The following LARS1 variants were observed in gnomAD, a reference collection of about 807,000 sequenced individuals.
LARS1 encodes leucyl-tRNA synthetase 1, also known as leucine--tRNA ligase, cytoplasmic.
A neutral mutation model predicts 162.8 loss-of-function variants in LARS1; 100 were observed. The ratio of observed to expected loss-of-function variants is 0.61; its 90% CI spans 0.52 to 0.73. The LOEUF is 0.73. Among genes scored for constraint, LARS1 ranks in the 30% least tolerant of loss-of-function variants. The pLI is 0.00. For missense variants in LARS1, 1,258 were observed against 1,408.9 expected (o/e 0.89, Z 1.71); for synonymous variants, 457 against 462.8 (o/e 0.99, Z 0.16).
chr5:146,152,873 A>G (rs1355675090), intron 13 of LARS1, among the ~76,000 whole-genome samples: 4 of 152,198 alleles, frequency 2.6e-5, no homozygotes, highest in Non-Finnish European at 5.9e-5. Context: ...AAAAGGGCAA[A>G]ATTTTATCTT....
At position 146,131,075 on chromosome 5, in the gene LARS1, T is replaced by A; in HGVS notation, c.2431A>T (p.Asn811Tyr). The A allele has an allele frequency of 6.3e-7, 1 of 1,593,418 alleles. No homozygotes were observed. The highest frequency in any genetic ancestry group is 8.6e-7 in the Non-Finnish European group (1 of 1,167,288). Residue 811 changes from asparagine to tyrosine, a missense_variant, in exon 24 of 32, where the codon AAC (asparagine) becomes TAC (tyrosine). Transcript: ENST00000394434. Reference sequence around the variant, plus strand: ...TCTTTAAACATCATCTTTTCATAGTTTTGATCTGTTTTTATAATTCCTGCA... The same window carrying A: ...TCTTTAAACATCATCTTTTCATAGTATTGATCTGTTTTTATAATTCCTGCA... ...LNAGIIKTDQ[N>Y]YEKMMFKEAL...
chr5:146,124,121 C>G (rs1751947868), intron 28 of LARS1, 35 bp from the exon 29 acceptor site: 2 of 1,218,870 alleles, frequency 1.6e-6, no homozygotes, highest in African/African-American at 1.5e-5. Context: ...AACAAAATCA[C>G]AGTAAGAATA....
chr5:146,161,661 G>A (rs569752075), intron 6 of LARS1, among the ~76,000 whole-genome samples: 1 of 151,844 alleles, frequency 6.6e-6, no homozygotes, highest in East Asian at 1.9e-4. Context: ...GCTGAGGCAG[G>A]AGAATCACTT....
intron 7 of LARS1, among the ~76,000 whole-genome samples, chr5:146,159,968 C>T (rs914162227): frequency 6.6e-6 from 1 of 152,050 alleles, no homozygotes; most frequent in African/African-American, 2.4e-5. Context: ...CCCACCCTCC[C>T]ATTCTCCCTG....
At chr5:146,175,648 C>A (rs4705440) in intron 2 of LARS1, among the ~76,000 whole-genome samples, 146,388 of 151,650 alleles carry the variant, frequency 0.97, 70,876 homozygotes, top group East Asian at 1. Flanking sequence ...GACCACAATG[C>A]AACCCCATCT....
Position 146,157,626 on chromosome 5 carries a change from C to A in LARS1, c.842G>T (p.Gly281Val). 1 of 1,613,414 alleles carries A rather than the reference C, an allele frequency of 6.2e-7. No individual in the cohort carries two copies. The highest frequency in any genetic ancestry group is 8.5e-7 in the Non-Finnish European group (1 of 1,179,826). Residue 281 changes from glycine to valine, a missense_variant and splice_region_variant, in exon 10 of 32, where the codon GGC (glycine) becomes GTC (valine). Physicochemically the swap from Gly to Val is moderately radical, Grantham distance 109 (BLOSUM62 -3). Coordinates refer to ENST00000394434, the MANE Select transcript of LARS1 (RefSeq NM_020117.11). Reference sequence around the variant, plus strand: ...CAAGAAAATATTTTTACCTTTCAGGCCACTGAGAAAAAAAAACAAATATTG... The same window carrying A: ...CAAGAAAATATTTTTACCTTTCAGGACACTGAGAAAAAAAAACAAATATTG... ...VLEPYPSKLS[G>V]LKGKNIFLVA... is the part of the protein sequence containing the mutation.
intron 10 of LARS1, among the ~76,000 whole-genome samples, chr5:146,156,196 G>A (rs1581059597): frequency 6.6e-6 from 1 of 152,112 alleles, no homozygotes; most frequent in African/African-American, 2.4e-5. Context: ...TCTAGAATGG[G>A]GAACTTTTGT....
intron 6 of LARS1, among the ~76,000 whole-genome samples, chr5:146,161,657 G>A (rs574031458): frequency 7.9e-5 from 12 of 151,996 alleles, no homozygotes; most frequent in Non-Finnish European, 1.6e-4. Context: ...GGAGGCTGAG[G>A]CAGGAGAATC....
chr5:146,168,106 T>A, intron 5 of LARS1, 22 bp downstream of exon 5: 1 of 1,577,338 alleles, frequency 6.3e-7, no homozygotes, highest in Non-Finnish European at 8.7e-7. Flanking sequence ...TCAACCAACA[T>A]AAATATCAAC....
intron 15 of LARS1, among the ~76,000 whole-genome samples, chr5:146,147,596 A>G (rs1000288827): frequency 6.6e-6 from 1 of 152,204 alleles, no homozygotes; most frequent in Non-Finnish European, 1.5e-5. Flanking sequence ...ACACACACAA[A>G]TAGTAAATAA....
rs1298116156 is a variant in LARS1, at chr5:146,175,467, G to A, written c.125+2080C>T. ...CTGAGGCAGAAAAATCATTGAACCC[G>A]GGAGGCAGAGGTTGCAGTGAGCCGA... On this transcript the variant is annotated intron_variant, in intron 2 of 31. Transcript: ENST00000394434. 4.7e-5 allele frequency among the ~76,000 whole-genome samples: 7 copies of A among 150,178 alleles called. No individual in the cohort carries two copies. The East Asian group carries it at 5.9e-4, about 13-fold the overall frequency.
chr5:146,168,760 G>T (rs1056852180), intron 4 of LARS1, among the ~76,000 whole-genome samples: 1 of 151,710 alleles, frequency 6.6e-6, no homozygotes, highest in African/African-American at 2.4e-5. Context: ...TTATAAAGTA[G>T]TATTTTACCT....
Position 146,135,633 on chromosome 5 carries a change from AAAGTGAGG to A in LARS1, c.2172_2179del (p.Leu725AspfsTer5). On this transcript the variant is annotated frameshift_variant, in exon 22 of 32. Transcript: ENST00000394434. LOFTEE classifies it high-confidence loss of function. Reference sequence around the variant, plus strand: ...TGAAAATTTGTCAATAGCTTGGGTCAAAGTGAGGAAGTTGCCTGTGGATTTTGACATCT... The same window carrying A: ...TGAAAATTTGTCAATAGCTTGGGTCAAAGTTGCCTGTGGATTTTGACATCT... 1.2e-6 allele frequency: 2 copies of A among 1,601,408 alleles called. No homozygotes were observed. The highest frequency in any genetic ancestry group is 1.7e-6 in the Non-Finnish European group (2 of 1,176,470).
At chr5:146,124,982 T>C (rs1751982159) in intron 28 of LARS1, among the ~76,000 whole-genome samples, 1 of 151,280 alleles carries the variant, frequency 6.6e-6, no homozygotes, top group Non-Finnish European at 1.5e-5. Flanking sequence ...AAGCCAACTC[T>C]TGAATCTAAT....
At chr5:146,138,916 A>G in intron 21 of LARS1, 1 of 329,894 alleles carries the variant, frequency 3.0e-6, no homozygotes, top group Non-Finnish European at 6.1e-6. Flanking sequence ...CCACGGGAAC[A>G]GTAGCATGGT....
rs997900080 is a variant in LARS1 at position 146,124,331 on chromosome 5, C to T, written c.2992-245G>A. On this transcript the variant is annotated intron_variant, in intron 28 of 31. Transcript: ENST00000394434. ...GCAGCACTGAAAAGATGGGAAGGCA[C>T]AAGGTTTTCAGATTTATAAAATAAA... Among the ~76,000 whole-genome samples the T allele has an allele frequency of 4.6e-5, 7 of 151,668 alleles. 1 individual carries two copies. Among genetic ancestry groups the T allele is most frequent in the Non-Finnish European group, 8.8e-5 (6 of 67,828 alleles).
intron 2 of LARS1, among the ~76,000 whole-genome samples, chr5:146,174,530 A>G (rs1254365067): frequency 0.042 from 3,944 of 94,650 alleles, 166 homozygotes; most frequent in Non-Finnish European, 0.072. Flanking sequence ...CCATATATAT[A>G]TATATATCCA....
intron 23 of LARS1, 56 bp from the exon 24 acceptor site, chr5:146,131,165 A>T (rs191652332): frequency 4.0e-6 from 3 of 750,134 alleles, no homozygotes; most frequent in African/African-American, 3.7e-5. Context: ...ATACATAGCT[A>T]TAAAAAACTG....
chr5:146,182,557 G>T lies in LARS1; in HGVS notation c.-64C>A, dbSNP rs373671706. On this transcript the variant is annotated 5_prime_UTR_variant, in exon 1 of 32. Transcript: ENST00000394434. ...CCCTGGCGACCTCCACAAAGGAGTG[G>T]TTACCTTTCCCCTCCCTCTCGGGGA... 1.5e-4 allele frequency: 234 copies of T among 1,611,618 alleles called. 1 individual carries two copies. Among genetic ancestry groups the T allele is most frequent in the Non-Finnish European group, 1.8e-4 (216 of 1,177,834 alleles).
Sources: gnomAD v4.1 joint callset for allele counts (sites outside exome capture counted in the v4.1 genomes callset) on GRCh38, gnomAD v4.1.1 for gene constraint, MANE v1.5 for transcripts, NCBI Gene and HGNC (gene_info 2026-07-23, HGNC 2026-07-21) for gene names.